The following LINGO2 variants were observed in gnomAD, a reference collection of about 807,000 sequenced individuals.
LINGO2 encodes the protein leucine-rich repeat and immunoglobulin-like domain-containing nogo receptor-interacting protein 2.
Under a neutral mutation model 30.6 loss-of-function variants are expected in LINGO2, and 14 were observed. The observed-to-expected ratio is 0.46, with a 90% CI of 0.30 to 0.72. LINGO2 has a LOEUF of 0.72. LINGO2 is among the 30% of genes least tolerant of loss of function. The pLI is 0.07. For synonymous variants in LINGO2, 317 were observed against 288.5 expected (o/e 1.10, Z -1.00); for missense variants, 729 against 751.7 (o/e 0.97, Z 0.35).
At chr9:28,607,188 A>T (rs1825730721) in intron 1 of LINGO2, among the ~76,000 whole-genome samples, 1 of 152,024 alleles carries the variant, frequency 6.6e-6, no homozygotes, top group Non-Finnish European at 1.5e-5. Context: ...TGATTTAAAA[A>T]GCAAGTCAAT....
At chr9:28,977,813 T>C in the LINGO2 span, among the ~76,000 whole-genome samples, 1 of 152,104 alleles carries the variant, frequency 6.6e-6, no homozygotes, top group Admixed American at 6.6e-5. Flanking sequence ...TTCTGACACA[T>C]TGAGCTGAGC....
At chr9:28,271,648 A>G (rs1822944907) in intron 4 of LINGO2, among the ~76,000 whole-genome samples, 1 of 152,182 alleles carries the variant, frequency 6.6e-6, no homozygotes, top group South Asian at 2.1e-4. Flanking sequence ...AATGGTTTCC[A>G]CTGGGCCAAT....
At chr9:28,768,737 T>C in the LINGO2 span, among the ~76,000 whole-genome samples, 1 of 152,132 alleles carries the variant, frequency 6.6e-6, no homozygotes. Context: ...CATGAGTTTA[T>C]ACTGAATATA....
At chr9:28,261,444 C>A (rs1343875742) in intron 4 of LINGO2, among the ~76,000 whole-genome samples, 1 of 151,842 alleles carries the variant, frequency 6.6e-6, no homozygotes, top group African/African-American at 2.4e-5. Flanking sequence ...GGGTTGAGAT[C>A]CAACACTACT....
the LINGO2 span, among the ~76,000 whole-genome samples, chr9:28,798,458 C>A: frequency 6.6e-6 from 1 of 152,028 alleles, no homozygotes; most frequent in African/African-American, 2.4e-5. Context: ...GATGGCTGCT[C>A]TTCAGATGTG....
At chr9:29,149,269 G>T in the LINGO2 span, among the ~76,000 whole-genome samples, 2 of 151,814 alleles carry the variant, frequency 1.3e-5, no homozygotes, top group Non-Finnish European at 2.9e-5. Context: ...TAACTTATCT[G>T]CTTGAGGCCA....
chr9:28,905,132 T>G, the LINGO2 span, among the ~76,000 whole-genome samples: 1 of 151,858 alleles, frequency 6.6e-6, no homozygotes, highest in Admixed American at 6.6e-5. Flanking sequence ...CAACTCAAAA[T>G]GGAGTAAAGA....
chr9:28,998,312 C>T, the LINGO2 span, among the ~76,000 whole-genome samples: 2 of 152,158 alleles, frequency 1.3e-5, no homozygotes, highest in African/African-American at 2.4e-5. Flanking sequence ...GGGGATAAGA[C>T]GGGCAAAATG....
intron 3 of LINGO2, among the ~76,000 whole-genome samples, chr9:28,315,279 C>T (rs1824799225): frequency 6.6e-6 from 1 of 151,900 alleles, no homozygotes; most frequent in Non-Finnish European, 1.5e-5. Flanking sequence ...GTGGCAGGCG[C>T]CTGTAATCCT....
the LINGO2 span, among the ~76,000 whole-genome samples, chr9:28,989,125 A>T: frequency 6.6e-6 from 1 of 152,188 alleles, no homozygotes; most frequent in African/African-American, 2.4e-5. Context: ...GATTATTTTC[A>T]CCACCAGTAC....
At chr9:28,636,602 T>C (rs1563882141) in intron 1 of LINGO2, among the ~76,000 whole-genome samples, 1 of 152,244 alleles carries the variant, frequency 6.6e-6, no homozygotes. Context: ...TCATTGTGTC[T>C]GTTGGCTGCA....
chr9:27,972,490 C>T (rs1008145663), intron 5 of LINGO2, among the ~76,000 whole-genome samples: 8 of 152,176 alleles, frequency 5.3e-5, no homozygotes, highest in Non-Finnish European at 8.8e-5. Context: ...AACCTCAGTC[C>T]GTCATGAACA....
At chr9:28,451,983 A>G (rs1156545123) in intron 2 of LINGO2, among the ~76,000 whole-genome samples, 1 of 151,726 alleles carries the variant, frequency 6.6e-6, no homozygotes, top group Non-Finnish European at 1.5e-5. Context: ...TAGAATATTG[A>G]GCATATGAAA....
intron 4 of LINGO2, among the ~76,000 whole-genome samples, chr9:28,099,283 G>A (rs1483823401): frequency 1.3e-5 from 2 of 151,954 alleles, no homozygotes; most frequent in African/African-American, 2.4e-5. Context: ...GCCAATTCAC[G>A]GATTTGAATA....
intron 1 of LINGO2, among the ~76,000 whole-genome samples, chr9:28,597,902 T>C (rs904684182): frequency 1.3e-5 from 2 of 151,970 alleles, no homozygotes; most frequent in African/African-American, 4.8e-5. Context: ...GTAGCTGAGA[T>C]TACAGGCGTG....
chr9:28,004,806 G>A (rs1250861324), intron 5 of LINGO2, among the ~76,000 whole-genome samples: 2 of 152,190 alleles, frequency 1.3e-5, no homozygotes, highest in South Asian at 2.1e-4. Flanking sequence ...GGTTTGAAAT[G>A]GAGGTATGGG....
chr9:29,183,804 A>G, the LINGO2 span, among the ~76,000 whole-genome samples: 4 of 152,132 alleles, frequency 2.6e-5, no homozygotes, highest in African/African-American at 9.7e-5. Context: ...TAGCATCTCA[A>G]CAGAGAATAG....
the LINGO2 span, among the ~76,000 whole-genome samples, chr9:29,139,351 A>C: frequency 6.6e-6 from 1 of 152,212 alleles, no homozygotes; most frequent in Non-Finnish European, 1.5e-5. Context: ...TGGGATAGTA[A>C]GCATAATTAT....
At chr9:28,264,818 T>C (rs1414751061) in intron 4 of LINGO2, among the ~76,000 whole-genome samples, 1 of 152,036 alleles carries the variant, frequency 6.6e-6, no homozygotes, top group Non-Finnish European at 1.5e-5. Context: ...CTAAATGGTA[T>C]TGTAAAGGTA....
Sources: allele counts gnomAD v4.1 joint callset (sites outside exome capture counted in the v4.1 genomes callset), GRCh38; gene constraint gnomAD v4.1.1; transcripts MANE v1.5; gene names NCBI Gene and HGNC (gene_info 2026-07-23, HGNC 2026-07-21).